NKD1: variants seen among roughly 807,000 people sequenced by gnomAD.
NKD1 encodes protein naked cuticle homolog 1.
In NKD1, 21 loss-of-function variants were observed where a neutral mutation model predicts 56.0. The observed-to-expected ratio is 0.38, with a 90% CI of 0.27 to 0.54. The LOEUF is 0.54. NKD1 is among the 20% of genes least tolerant of loss of function. The probability of loss-of-function intolerance (pLI) is 0.82; values close to 1 mark genes in which losing one functional copy is unlikely to be tolerated. For missense variants in NKD1, 578 were observed against 642.7 expected (o/e 0.90, Z 1.09); for synonymous variants, 263 against 265.7 (o/e 0.99, Z 0.10).
At chr16:50,555,675 G>A (rs13334982) in intron 3 of NKD1, 24,313 of 152,408 alleles carry the variant, frequency 0.16, 3,782 homozygotes, top group African/African-American at 0.4. Context: ...GCCTATGGAA[G>A]GAGGGTCCCC....
intron 3 of NKD1, among the ~76,000 whole-genome samples, chr16:50,566,491 G>A (rs1237290692): frequency 6.6e-6 from 1 of 152,234 alleles, no homozygotes; most frequent in East Asian, 1.9e-4. Flanking sequence ...GCCTCTGACA[G>A]TCCTGGGTCA....
intron 3 of NKD1, among the ~76,000 whole-genome samples, chr16:50,595,474 GAAA>G (rs1961452923): frequency 6.6e-6 from 1 of 152,136 alleles, no homozygotes; most frequent in Non-Finnish European, 1.5e-5. Flanking sequence ...GGTCCTGGTG[GAAA>G]TGTGGGGCTC....
chr16:50,588,113 G>A (rs1961269491), intron 3 of NKD1, among the ~76,000 whole-genome samples: 1 of 152,214 alleles, frequency 6.6e-6, no homozygotes. Flanking sequence ...ATGGCTGGTG[G>A]CCTGGTACTG....
At chr16:50,556,641 T>C (rs997331032) in intron 3 of NKD1, 1 of 152,214 alleles carries the variant, frequency 6.6e-6, no homozygotes, top group Non-Finnish European at 1.5e-5. Context: ...CTGCCTGGGC[T>C]TCAGATTCTC....
At chr16:50,581,943 T>C (rs1487251138) in intron 3 of NKD1, among the ~76,000 whole-genome samples, 4 of 152,184 alleles carry the variant, frequency 2.6e-5, no homozygotes, top group Non-Finnish European at 4.4e-5. Flanking sequence ...GTCCAGGATC[T>C]GAGTGTTGCA....
intron 4 of NKD1, among the ~76,000 whole-genome samples, chr16:50,610,765 A>G (rs1961828771): frequency 6.6e-6 from 1 of 152,208 alleles, no homozygotes. Flanking sequence ...CTAATCCAGC[A>G]TCTTAACCGC....
chr16:50,580,124 C>G (rs1047247168), intron 3 of NKD1, among the ~76,000 whole-genome samples: 3 of 152,272 alleles, frequency 2.0e-5, no homozygotes, highest in Non-Finnish European at 2.9e-5. Context: ...TACACATGCA[C>G]TCTCTCAGTC....
At chr16:50,630,061 C>T in intron 6 of NKD1, 125 bp from the exon 7 acceptor site, 1 of 795,956 alleles carries the variant, frequency 1.3e-6, no homozygotes, top group South Asian at 1.8e-5. Flanking sequence ...CAGGTTTCTG[C>T]CTTAGATCTG....
chr16:50,625,063 G>A (rs925383916), intron 5 of NKD1, among the ~76,000 whole-genome samples: 5 of 152,148 alleles, frequency 3.3e-5, no homozygotes, highest in South Asian at 2.1e-4. Context: ...GCTGGATCCC[G>A]GGGCTGACCG....
intron 3 of NKD1, among the ~76,000 whole-genome samples, chr16:50,599,192 A>G (rs1260047442): frequency 6.6e-6 from 1 of 152,008 alleles, no homozygotes; most frequent in African/African-American, 2.4e-5. Flanking sequence ...AGAGCATGTG[A>G]GGGAAGAGAA....
Position 50,616,164 on chromosome 16 carries a change from C to T in NKD1, c.260-5438C>T, listed in dbSNP as rs577886141. Reference sequence around the variant, plus strand: ...AGAAAGGACTGTGGATATGTCAGGGCGAGCATCCAGACTCTAGCAAGGAAG... The same window carrying T: ...AGAAAGGACTGTGGATATGTCAGGGTGAGCATCCAGACTCTAGCAAGGAAG... On this transcript the variant is annotated intron_variant, in intron 4 of 9. Transcript: ENST00000268459. The T allele has an allele frequency of 1.6e-5, 7 of 435,656 alleles. No individual in the cohort carries two copies. In the East Asian group the frequency reaches 2.9e-4, roughly 18 times the overall value. The allele number at this position is 435,656 out of a possible 1,614,324, so 27.0% of individuals were successfully genotyped here.
At chr16:50,565,104 G>GCTCA (rs1165868868) in intron 3 of NKD1, among the ~76,000 whole-genome samples, 13 of 152,180 alleles carry the variant, frequency 8.5e-5, no homozygotes, top group African/African-American at 3.1e-4. Context: ...GGCTGGGTGT[G>GCTCA]GTGGCTCATG....
Position 50,598,260 on chromosome 16 carries a change from T to TGG in NKD1, c.193-10033_193-10032insGG, listed in dbSNP as rs981622233. ...GTGTGTGTGTGTGTGTGTGTGTGTG[T>TGG]GTGCGCGCACACCTGTGCTCATGGA... On this transcript the variant is annotated intron_variant, in intron 3 of 9. Transcript: ENST00000268459. This position sits in a 1 kb window ranked among gnomAD's most constrained non-coding sequence, Gnocchi z 4.2. 1.4e-5 allele frequency among the ~76,000 whole-genome samples: 2 copies of TGG among 137,998 alleles called. No homozygotes were observed. Among genetic ancestry groups the TGG allele is most frequent in the Non-Finnish European group, 3.1e-5 (2 of 64,970 alleles). The allele number at this position is 137,998 out of a possible 152,430, so 90.5% of individuals were successfully genotyped here. A position where few individuals can be genotyped will look rare whatever the true frequency, so the allele number is the denominator to read the frequency against.
rs536870701 is a variant in NKD1, at chr16:50,622,734, CT to C, written c.366+1027del. On this transcript the variant is annotated intron_variant, in intron 5 of 9. Transcript: ENST00000268459. ...GTCTAAAGTGCTTAAGAGGGTGCCC[CT>C]CTTTCTCACCAATGCTGATTGGCAC... Among the ~76,000 whole-genome samples the C allele has an allele frequency of 2.4e-3, 367 of 152,334 alleles. 1 individual carries two copies. Among genetic ancestry groups the C allele is most frequent in the Admixed American group, 4.6e-3 (70 of 15,308 alleles).
intron 5 of NKD1, among the ~76,000 whole-genome samples, chr16:50,622,289 A>G (rs965294966): frequency 6.6e-6 from 1 of 152,094 alleles, no homozygotes; most frequent in Non-Finnish European, 1.5e-5. Context: ...GGGATGTACA[A>G]GGGAGTCTTT....
chr16:50,567,805 C>T (rs1173569805), intron 3 of NKD1, among the ~76,000 whole-genome samples: 1 of 152,206 alleles, frequency 6.6e-6, no homozygotes, highest in African/African-American at 2.4e-5. Flanking sequence ...TATTAAGACA[C>T]AAAGTCCCTG....
intron 3 of NKD1, chr16:50,607,012 C>T (rs751954642): frequency 1.4e-4 from 64 of 456,874 alleles, no homozygotes; most frequent in Admixed American, 4.2e-4. Context: ...AGGATATGTT[C>T]GATGATTATA....
intron 6 of NKD1, among the ~76,000 whole-genome samples, chr16:50,627,956 T>TAGAG (rs770806704): frequency 1.1e-4 from 16 of 151,686 alleles, no homozygotes; most frequent in Admixed American, 1.1e-3. Flanking sequence ...CTGCCCAAGA[T>TAGAG]AGAGAGAGTG....
chr16:50,582,247 A>T (rs758193815), intron 3 of NKD1, among the ~76,000 whole-genome samples: 1 of 152,104 alleles, frequency 6.6e-6, no homozygotes, highest in Non-Finnish European at 1.5e-5. Flanking sequence ...TTTTAGTTAG[A>T]TGATTAAGGA....
Sources: allele counts gnomAD v4.1 joint callset (sites outside exome capture counted in the v4.1 genomes callset), GRCh38; gene constraint gnomAD v4.1.1; non-coding constraint Gnocchi (gnomAD v3.1); transcripts MANE v1.5; gene names NCBI Gene and HGNC (gene_info 2026-07-23, HGNC 2026-07-21).